The following NOL4 variants were observed in gnomAD, a reference collection of about 807,000 sequenced individuals.
The protein encoded by NOL4 is cancer/testis antigen 125.
A neutral mutation model predicts 75.9 loss-of-function variants in NOL4; 17 were observed. The ratio of observed to expected loss-of-function variants is 0.22; its 90% CI spans 0.15 to 0.34. The LOEUF (loss-of-function observed/expected upper bound fraction) is 0.34, where lower values mean the gene tolerates loss of function less well. Ranked by LOEUF, NOL4 falls within the 10% of genes least tolerant of loss-of-function variation. The pLI is 1.00. For missense variants in NOL4, 614 were observed against 793.5 expected (o/e 0.77, Z 2.72); for synonymous variants, 292 against 289.9 (o/e 1.01, Z -0.07).
chr18:34,197,348 T>G (rs977067622), intron 1 of NOL4, among the ~76,000 whole-genome samples: 3 of 151,994 alleles, frequency 2.0e-5, no homozygotes, highest in Non-Finnish European at 4.4e-5. Flanking sequence ...AATTTTATAG[T>G]TCAGCAAGGA....
chr18:34,071,414 C>CA (rs1391177592), intron 5 of NOL4, among the ~76,000 whole-genome samples: 12 of 137,514 alleles, frequency 8.7e-5, no homozygotes, highest in African/African-American at 2.7e-4. Flanking sequence ...TGAAGATATA[C>CA]ACAAATAGAC....
At chr18:34,196,388 A>G (rs1401555910) in intron 1 of NOL4, among the ~76,000 whole-genome samples, 1 of 152,154 alleles carries the variant, frequency 6.6e-6, no homozygotes, top group Non-Finnish European at 1.5e-5. Flanking sequence ...GCCACTTGAG[A>G]CTGATCACCA....
At chr18:34,009,067 T>TC (rs1287389753) in intron 6 of NOL4, among the ~76,000 whole-genome samples, 4 of 151,876 alleles carry the variant, frequency 2.6e-5, no homozygotes, top group Non-Finnish European at 5.9e-5. Flanking sequence ...AGAAAAGATT[T>TC]TTTTTTTTTT....
Position 34,219,550 on chromosome 18 carries a change from A to C in NOL4, c.264+3440T>G, listed in dbSNP as rs75316396. ...ATCAGGATCAAAAGCTTCTAAAAAC[A>C]AACTACACTGGAACTACCAAATGTG... On this transcript the variant is annotated intron_variant, in intron 1 of 10. Coordinates refer to ENST00000261592, the MANE Select transcript of NOL4 (RefSeq NM_003787.5). Among the ~76,000 whole-genome samples, 504 of 152,356 alleles carry C rather than the reference A, an allele frequency of 3.3e-3. 4 individuals are homozygous for C. Among genetic ancestry groups the C allele is most frequent in the African/African-American group, 0.011 (474 of 41,592 alleles).
chr18:34,180,669 A>C (rs2146327711), intron 1 of NOL4, among the ~76,000 whole-genome samples: 1 of 151,598 alleles, frequency 6.6e-6, no homozygotes, highest in Admixed American at 6.6e-5. Context: ...GGAAGTATAT[A>C]ACTATATTTG....
At chr18:34,026,067 A>G (rs1307585725) in intron 5 of NOL4, among the ~76,000 whole-genome samples, 1 of 152,138 alleles carries the variant, frequency 6.6e-6, no homozygotes, top group Non-Finnish European at 1.5e-5. Flanking sequence ...ACATCCTAAA[A>G]TAATTATTCT....
intron 2 of NOL4, among the ~76,000 whole-genome samples, chr18:34,129,068 A>C (rs1600678452): frequency 6.6e-6 from 1 of 151,918 alleles, no homozygotes; most frequent in East Asian, 1.9e-4. Context: ...TTTACTGTTC[A>C]ATTTTCCTAG....
intron 4 of NOL4, among the ~76,000 whole-genome samples, chr18:34,094,071 A>G (rs1439572534): frequency 6.6e-6 from 1 of 152,170 alleles, no homozygotes; most frequent in Non-Finnish European, 1.5e-5. Context: ...AAACAAAAAA[A>G]CAATGGAATA....
chr18:33,858,274 G>T (rs1846121677), intron 10 of NOL4, among the ~76,000 whole-genome samples: 1 of 151,770 alleles, frequency 6.6e-6, no homozygotes, highest in African/African-American at 2.4e-5. Context: ...TCCCTGGTTG[G>T]CTAACAAATT....
intron 9 of NOL4, among the ~76,000 whole-genome samples, chr18:33,907,025 CA>C (rs1424826786): frequency 2.0e-5 from 3 of 152,014 alleles, no homozygotes; most frequent in Non-Finnish European, 2.9e-5. Context: ...CAGATTGCTA[CA>C]AAAGACCTTG....
intron 1 of NOL4, among the ~76,000 whole-genome samples, chr18:34,160,165 G>A (rs1017913640): frequency 7.2e-5 from 11 of 152,028 alleles, no homozygotes. Flanking sequence ...GGAAAATTTT[G>A]CAAGAAACTC....
chr18:34,091,100 A>C (rs1324273516), intron 5 of NOL4, among the ~76,000 whole-genome samples: 3 of 151,886 alleles, frequency 2.0e-5, no homozygotes, highest in East Asian at 1.9e-4. Flanking sequence ...CTGTAATCCC[A>C]GCACTTTGGG....
At chr18:34,115,274 A>G (rs972818506) in intron 2 of NOL4, among the ~76,000 whole-genome samples, 7 of 152,142 alleles carry the variant, frequency 4.6e-5, no homozygotes, top group Non-Finnish European at 1.0e-4. Flanking sequence ...AAGGTGGTGC[A>G]TGCAGCTGCA....
At chr18:33,863,893 C>T (rs986470070) in intron 10 of NOL4, among the ~76,000 whole-genome samples, 2 of 152,194 alleles carry the variant, frequency 1.3e-5, no homozygotes, top group African/African-American at 2.4e-5. Flanking sequence ...TGTTCCCATA[C>T]AGCCTCCAAA....
intron 5 of NOL4, among the ~76,000 whole-genome samples, chr18:34,063,865 C>T (rs1160123419): frequency 6.6e-6 from 1 of 151,912 alleles, no homozygotes. Flanking sequence ...TATTTTCTCT[C>T]AAGGTGATAT....
intron 9 of NOL4, among the ~76,000 whole-genome samples, chr18:33,923,350 T>C (rs2067146863): frequency 6.6e-6 from 1 of 152,000 alleles, no homozygotes. Context: ...AGAATTATCA[T>C]AGATTATCAC....
chr18:33,966,862 C>T (rs1278569621), intron 6 of NOL4, among the ~76,000 whole-genome samples: 1 of 152,146 alleles, frequency 6.6e-6, no homozygotes, highest in African/African-American at 2.4e-5. Context: ...ATCCCATGCT[C>T]ATGGATTGGA....
chr18:33,954,566 G>A (rs2069505387), intron 8 of NOL4, among the ~76,000 whole-genome samples: 1 of 151,772 alleles, frequency 6.6e-6, no homozygotes, highest in South Asian at 2.1e-4. Context: ...GGGATTAAAT[G>A]TTCCTCTCAT....
At chr18:34,014,173 T>C (rs1022752274) in intron 6 of NOL4, among the ~76,000 whole-genome samples, 4 of 152,030 alleles carry the variant, frequency 2.6e-5, no homozygotes, top group Non-Finnish European at 5.9e-5. Context: ...TTACCATTAA[T>C]ATTTTATAAA....
Sources: allele counts gnomAD v4.1 joint callset (sites outside exome capture counted in the v4.1 genomes callset), GRCh38; gene constraint gnomAD v4.1.1; transcripts MANE v1.5; gene names NCBI Gene and HGNC (gene_info 2026-07-23, HGNC 2026-07-21).